The following ATG7 variants were observed in gnomAD, a reference collection of about 807,000 sequenced individuals.
ATG7 encodes autophagy related 7.
In ATG7, 70 loss-of-function variants were observed where a neutral mutation model predicts 82.4. That is an observed-to-expected ratio of 0.85 (90% CI 0.70 to 1.04). The LOEUF is 1.04. Ranked by LOEUF, ATG7 falls within the 50% of genes least tolerant of loss-of-function variation. The pLI is 0.00. For missense variants in ATG7, 792 were observed against 864.3 expected (o/e 0.92, Z 1.05); for synonymous variants, 287 against 313.0 (o/e 0.92, Z 0.88).
At chr3:11,441,317 T>A (rs1301918653) in intron 20 of ATG7, among the ~76,000 whole-genome samples, 1 of 151,406 alleles carries the variant, frequency 6.6e-6, no homozygotes, top group Non-Finnish European at 1.5e-5. Context: ...GATCTCAGCT[T>A]ACTGAAACCT....
intron 9 of ATG7, among the ~76,000 whole-genome samples, chr3:11,327,506 G>A (rs1268482802): frequency 6.6e-6 from 1 of 152,344 alleles, no homozygotes; most frequent in African/African-American, 2.4e-5. Flanking sequence ...TGTGGATAGG[G>A]TGTTGTGCAA....
chr3:11,432,570 G>C (rs2082994801), intron 20 of ATG7, among the ~76,000 whole-genome samples: 1 of 151,672 alleles, frequency 6.6e-6, no homozygotes, highest in Admixed American at 6.6e-5. Flanking sequence ...GGTGACAAGT[G>C]GACTAAAATC....
chr3:11,431,911 A>T (rs1418128626), intron 20 of ATG7, among the ~76,000 whole-genome samples: 3 of 152,232 alleles, frequency 2.0e-5, no homozygotes, highest in African/African-American at 7.2e-5. Context: ...AGCTAGAATC[A>T]TCTAGATTTA....
At chr3:11,519,888 A>G (rs1162053692) in intron 20 of ATG7, among the ~76,000 whole-genome samples, 5 of 151,878 alleles carry the variant, frequency 3.3e-5, no homozygotes, top group Admixed American at 6.6e-5. Flanking sequence ...TACCTTAAGC[A>G]TCTTTTGTTT....
intron 3 of ATG7, among the ~76,000 whole-genome samples, chr3:11,295,837 A>C (rs1398915548): frequency 6.9e-6 from 1 of 144,880 alleles, no homozygotes; most frequent in South Asian, 2.1e-4. Flanking sequence ...CCCAGGCTGG[A>C]GTGCAATGGC....
At chr3:11,546,090 G>C (rs1371071389) in intron 20 of ATG7, among the ~76,000 whole-genome samples, 2 of 38 alleles carry the variant, frequency 0.053, no homozygotes, top group Non-Finnish European at 0.091. Context: ...GTGAGTTATA[G>C]ATGGCACCAC....
Position 11,333,026 on chromosome 3 carries a change from G to A in ATG7, c.822G>A (p.Gln274=). 6.3e-7 allele frequency: 1 copy of A among 1,576,606 alleles called. No homozygotes were observed. The highest frequency in any genetic ancestry group is 1.2e-5 in the South Asian group (1 of 85,852). The change falls in exon 11 of 21, where the codon CAG becomes CAA. Residue 274 remains glutamine, a synonymous_variant. Transcript: ENST00000693202. ...TTTGCTTCCGTGACCGTACCATGCA[G>A]GGGGCGAGAGACGTTGCCCACAGCA... ...EVVCFRDRTM[Q]GARDVAHSII... is the part of the protein sequence containing the mutation.
chr3:11,320,174 C>A (rs181848983), intron 9 of ATG7, among the ~76,000 whole-genome samples: 2 of 152,180 alleles, frequency 1.3e-5, no homozygotes, highest in Admixed American at 1.3e-4. Flanking sequence ...CCTCCCTCCC[C>A]CTACCTCCCC....
chr3:11,509,093 C>T (rs2091905925), intron 20 of ATG7, among the ~76,000 whole-genome samples: 1 of 152,182 alleles, frequency 6.6e-6, no homozygotes, highest in African/African-American at 2.4e-5. Context: ...CTTTAAGTAC[C>T]TTAACTCTTC....
At position 11,314,829 on chromosome 3, in the gene ATG7, C is replaced by T. The variant is rs187341372; in HGVS notation, c.529-515C>T. On this transcript the variant is annotated intron_variant, in intron 8 of 20. Transcript: ENST00000693202. ...TGGTGTGTGCCTGTGGTCCCAGCTA[C>T]TCAGGAGGCTGAGGTAGGAGGATTG... Among the ~76,000 whole-genome samples the T allele has an allele frequency of 1.6e-4, 25 of 152,148 alleles. No homozygotes were observed. The East Asian group carries it at 4.4e-3, about 27-fold the overall frequency.
chr3:11,455,813 C>G (rs2085651045), intron 20 of ATG7, among the ~76,000 whole-genome samples: 2 of 152,208 alleles, frequency 1.3e-5, no homozygotes, highest in Admixed American at 1.3e-4. Context: ...TGGGCTCACA[C>G]CCTTCCCTAC....
intron 5 of ATG7, among the ~76,000 whole-genome samples, chr3:11,301,728 A>G (rs1946818850): frequency 1.3e-5 from 2 of 152,200 alleles, no homozygotes; most frequent in African/African-American, 2.4e-5. Context: ...CTGGAAATGT[A>G]CAAGCATTAA....
At chr3:11,550,402 T>C (rs1439198283) in intron 20 of ATG7, among the ~76,000 whole-genome samples, 1 of 152,182 alleles carries the variant, frequency 6.6e-6, no homozygotes, top group Admixed American at 6.5e-5. Flanking sequence ...TCTTCTTGAA[T>C]TTTATTTATT....
chr3:11,341,250 C>T (rs1404214741), intron 12 of ATG7, among the ~76,000 whole-genome samples: 2 of 151,250 alleles, frequency 1.3e-5, no homozygotes, highest in African/African-American at 4.9e-5. Flanking sequence ...TTAGTAGAGA[C>T]AGGGTTTCAC....
chr3:11,472,851 G>A (rs1366476028), intron 20 of ATG7, among the ~76,000 whole-genome samples: 3 of 152,270 alleles, frequency 2.0e-5, no homozygotes, highest in Admixed American at 6.5e-5. Context: ...TTTGCACACC[G>A]TTTTTCATGA....
chr3:11,547,033 G>A (rs1435223019), intron 20 of ATG7, among the ~76,000 whole-genome samples: 1 of 152,246 alleles, frequency 6.6e-6, no homozygotes, highest in African/African-American at 2.4e-5. Context: ...TTTATTCATG[G>A]TGCTGGTGGG....
chr3:11,510,158 A>G (rs1449155802), intron 20 of ATG7: 1 of 453,222 alleles, frequency 2.2e-6, no homozygotes, highest in Non-Finnish European at 4.4e-6. Context: ...GAGTTGCCTG[A>G]AATCATATAT....
intron 20 of ATG7, among the ~76,000 whole-genome samples, chr3:11,441,100 C>A (rs532982607): frequency 4.6e-5 from 7 of 152,216 alleles, no homozygotes; most frequent in Non-Finnish European, 8.8e-5. Flanking sequence ...ATGTAAACTG[C>A]TGTGGGATAT....
At chr3:11,417,805 A>ATTATTTTTTTTTTTTTTTTTTTTTTTT (rs1559578331) in intron 19 of ATG7, among the ~76,000 whole-genome samples, 4 of 52,748 alleles carry the variant, frequency 7.6e-5, no homozygotes, top group Admixed American at 1.8e-4. Context: ...TTATTATTTT[A>ATTATTTTTTTTTTTTTTTTTTTTTTTT]TTTTATTTTA....
Sources: gnomAD v4.1 joint callset for allele counts (sites outside exome capture counted in the v4.1 genomes callset) on GRCh38, gnomAD v4.1.1 for gene constraint, MANE v1.5 for transcripts, NCBI Gene and HGNC (gene_info 2026-07-23, HGNC 2026-07-21) for gene names.